MACROD1: variants seen among roughly 807,000 people sequenced by gnomAD.
MACROD1 encodes mono-ADP ribosylhydrolase 1.
A neutral mutation model predicts 41.4 loss-of-function variants in MACROD1; 31 were observed. The ratio of observed to expected loss-of-function variants is 0.75; its 90% CI spans 0.56 to 1.01. The LOEUF (loss-of-function observed/expected upper bound fraction) is 1.01. MACROD1 is among the 50% of genes least tolerant of loss of function. MACROD1 has a pLI of 0.00. For missense variants in MACROD1, 473 were observed against 460.0 expected, an observed-to-expected ratio of 1.03 and a Z score of -0.26; for synonymous variants, 252 against 203.4, an observed-to-expected ratio of 1.24 and a Z score of -2.03.
At position 64,064,731 on chromosome 11, in the gene MACROD1, C is replaced by G. The variant is rs948650362; in HGVS notation, c.518-49450G>C. Among the ~76,000 whole-genome samples the G allele has an allele frequency of 6.6e-6, 1 of 150,814 alleles. No homozygotes were observed. The highest frequency in any genetic ancestry group is 2.4e-5 in the African/African-American group (1 of 41,156). On this transcript the variant is annotated intron_variant, in intron 3 of 10. Transcript: ENST00000255681. The surrounding 1 kb of genome is among the most constrained non-coding windows in gnomAD (Gnocchi z 4.5). The stretch of plus-strand genomic sequence containing the variant: ...TTCTCCTCTCCCCTCCCTGCCAGCC[C>G]CCCAGCAGGCAGCCAGGCCTGGACC...
At chr11:64,121,253 G>A (rs774800389) in intron 3 of MACROD1, among the ~76,000 whole-genome samples, 3 of 152,220 alleles carry the variant, frequency 2.0e-5, no homozygotes, top group East Asian at 3.9e-4. Flanking sequence ...CCAGGACCAC[G>A]CGAGTCTCCT....
chr11:64,143,594 A>C (rs1244252718), intron 3 of MACROD1, among the ~76,000 whole-genome samples: 1 of 151,942 alleles, frequency 6.6e-6, no homozygotes, highest in Non-Finnish European at 1.5e-5. Flanking sequence ...CATCTTTTTT[A>C]CAACGACCCC....
chr11:64,004,176 C>A (rs1942871745), intron 4 of MACROD1, among the ~76,000 whole-genome samples: 1 of 152,196 alleles, frequency 6.6e-6, no homozygotes, highest in African/African-American at 2.4e-5. Context: ...GCATTCAGCC[C>A]AGCATCTGTG....
At chr11:64,017,004 C>G (rs776536061) in intron 3 of MACROD1, among the ~76,000 whole-genome samples, 3 of 152,182 alleles carry the variant, frequency 2.0e-5, no homozygotes, top group Non-Finnish European at 4.4e-5. Flanking sequence ...GAGTCTGGCT[C>G]TGTGGCCCAG....
At chr11:64,100,375 A>G (rs1270245730) in intron 3 of MACROD1, among the ~76,000 whole-genome samples, 1 of 152,230 alleles carries the variant, frequency 6.6e-6, no homozygotes, top group African/African-American at 2.4e-5. Context: ...AGCATCTCAA[A>G]GTACTTTTAC....
chr11:64,048,258 T>G (rs1294598930), intron 3 of MACROD1, among the ~76,000 whole-genome samples: 2 of 152,186 alleles, frequency 1.3e-5, no homozygotes, highest in African/African-American at 4.8e-5. Flanking sequence ...AAGGCCTCAT[T>G]GTGGCAGGAG....
intron 3 of MACROD1, among the ~76,000 whole-genome samples, chr11:64,081,313 C>T (rs762578806): frequency 3.9e-5 from 6 of 152,318 alleles, no homozygotes; most frequent in East Asian, 1.9e-4. Flanking sequence ...TGAGCCACCA[C>T]GCCCAGCCTA....
chr11:64,114,485 TTGAATGGATGGATGGATGGA>T (rs1362406330), intron 3 of MACROD1, among the ~76,000 whole-genome samples: 1 of 93,868 alleles, frequency 1.1e-5, no homozygotes, highest in Non-Finnish European at 2.2e-5. Flanking sequence ...GGAGGGATGG[TTGAATGGATGGATGGATGGA>T]TGAATGGATG....
intron 3 of MACROD1, chr11:64,118,134 C>T: frequency 6.2e-7 from 1 of 1,613,474 alleles, no homozygotes. Context: ...GCAGATGCTG[C>T]CCATCAACCC....
Position 64,166,054 on chromosome 11 carries a change from T to C in MACROD1, c.-60A>G. Reference sequence around the variant, plus strand: ...GGACTCTATTTACGGCGCTCGGGAGTGTCTCTCCCTTATTTACTCTGGGAC... The same window carrying C: ...GGACTCTATTTACGGCGCTCGGGAGCGTCTCTCCCTTATTTACTCTGGGAC... On this transcript the variant is annotated 5_prime_UTR_variant, in exon 1 of 11. Transcript: ENST00000255681. 1.6e-6 allele frequency: 2 copies of C among 1,236,686 alleles called. No homozygotes were observed. The highest frequency in any genetic ancestry group is 2.0e-6 in the Non-Finnish European group (2 of 991,440). 76.6% of individuals were successfully genotyped at this position (1,236,686 alleles called of 1,614,324 possible).
chr11:64,019,765 C>T (rs1012454600), intron 3 of MACROD1, among the ~76,000 whole-genome samples: 12 of 152,030 alleles, frequency 7.9e-5, no homozygotes, highest in African/African-American at 2.2e-4. Flanking sequence ...CTGCCCCGGG[C>T]GTGCTAAATG....
chr11:64,021,070 GTTC>G, intron 3 of MACROD1, among the ~76,000 whole-genome samples: 1 of 152,294 alleles, frequency 6.6e-6, no homozygotes, highest in Non-Finnish European at 1.5e-5. Context: ...CTCCCTCATG[GTTC>G]TTCCCCGGCT....
At chr11:64,003,987 TCTCGTTC>T (rs1180870455) in intron 4 of MACROD1, among the ~76,000 whole-genome samples, 1 of 152,200 alleles carries the variant, frequency 6.6e-6, no homozygotes, top group Non-Finnish European at 1.5e-5. Context: ...CTTCGTGGGC[TCTCGTTC>T]CTCAGGCCGC....
chr11:64,112,923 A>G (rs1006079955), intron 3 of MACROD1, among the ~76,000 whole-genome samples: 1 of 152,252 alleles, frequency 6.6e-6, no homozygotes, highest in Non-Finnish European at 1.5e-5. Context: ...GACATTCACC[A>G]CGGCAGGGCC....
intron 3 of MACROD1, 82 bp from the exon 4 acceptor site, chr11:64,015,363 A>G: frequency 7.2e-7 from 1 of 1,383,056 alleles, no homozygotes; most frequent in Non-Finnish European, 9.9e-7. Context: ...GGTGATGTCA[A>G]GATGGGAGTG....
At chr11:64,059,322 G>A (rs747095924) in intron 3 of MACROD1, among the ~76,000 whole-genome samples, 19 of 152,206 alleles carry the variant, frequency 1.2e-4, no homozygotes, top group South Asian at 2.1e-4. Flanking sequence ...AGGTGGATGC[G>A]TGTAGCCACC....
intron 3 of MACROD1, among the ~76,000 whole-genome samples, chr11:64,019,165 C>T (rs1385343905): frequency 3.3e-5 from 5 of 152,212 alleles, no homozygotes; most frequent in African/African-American, 1.2e-4. Flanking sequence ...CTCTTGGAGT[C>T]ACCTGTAGGC....
rs1050740757 is a variant in MACROD1, at chr11:64,132,025, G to A, written c.517+19214C>T. Among the ~76,000 whole-genome samples the A allele has an allele frequency of 3.3e-5, 5 of 152,180 alleles. No individual in the cohort carries two copies. The East Asian group carries it at 7.7e-4, about 23-fold the overall frequency. ...CCTGGAAGTGGGGCCTCCCCATGCC[G>A]GAGCTGCTGGGGCCAGGTCTCTGCA... On this transcript the variant is annotated intron_variant, in intron 3 of 10. Coordinates refer to ENST00000255681, the MANE Select transcript of MACROD1 (RefSeq NM_014067.4).
chr11:64,024,822 G>A (rs1943204090), intron 3 of MACROD1, among the ~76,000 whole-genome samples: 1 of 152,106 alleles, frequency 6.6e-6, no homozygotes, highest in Non-Finnish European at 1.5e-5. Flanking sequence ...AAAGGTCAAG[G>A]CCCAGCCCCA....
Sources: gnomAD v4.1 joint callset for allele counts (sites outside exome capture counted in the v4.1 genomes callset) on GRCh38, gnomAD v4.1.1 for gene constraint, Gnocchi (gnomAD v3.1) non-coding constraint, MANE v1.5 for transcripts, NCBI Gene and HGNC (gene_info 2026-07-23, HGNC 2026-07-21) for gene names.